FBXW7: variants seen among roughly 807,000 people sequenced by gnomAD.
FBXW7 encodes F-box/WD repeat-containing protein 7.
Under a neutral mutation model 86.3 loss-of-function variants are expected in FBXW7, and 11 were observed. The ratio of observed to expected loss-of-function variants is 0.13; its 90% CI spans 0.08 to 0.21. The LOEUF (loss-of-function observed/expected upper bound fraction) is 0.21. Ranked by LOEUF, FBXW7 falls within the 10% of genes least tolerant of loss-of-function variation. The pLI is 1.00. For missense variants in FBXW7, 488 were observed against 847.4 expected (o/e 0.58, Z 5.27); for synonymous variants, 313 against 297.9 (o/e 1.05, Z -0.52).
intron 2 of FBXW7, among the ~76,000 whole-genome samples, chr4:152,425,166 T>G (rs1739271041): frequency 6.6e-6 from 1 of 152,242 alleles, no homozygotes; most frequent in African/African-American, 2.4e-5. Flanking sequence ...CAGTGTCAGC[T>G]TCCTCCTTAT....
intron 2 of FBXW7, among the ~76,000 whole-genome samples, chr4:152,420,195 G>T (rs35483515): frequency 0.011 from 1,613 of 152,200 alleles, 7 homozygotes; most frequent in Non-Finnish European, 0.017. Context: ...CTAGGAGTAG[G>T]TTCCATCTCA....
Position 152,330,778 on chromosome 4 carries a change from T to C in FBXW7, c.1076A>G (p.His359Arg), listed in dbSNP as rs1014611334. ...SPWKSAYIRQHRIDTNWRRGE... is the reference protein window; with the variant it reads ...SPWKSAYIRQRRIDTNWRRGE... Reference sequence around the variant, plus strand: ...TCGCCTCCAGTTAGTATCAATTCTGTGCTGTCTGATGTATGCACTTTTCCA... The same window carrying C: ...TCGCCTCCAGTTAGTATCAATTCTGCGCTGTCTGATGTATGCACTTTTCCA... The change falls in exon 9 of 14, where the codon CAC becomes CGC. Residue 359 changes from histidine to arginine, a missense_variant. This residue lies in a region of FBXW7 where 57 missense variants were observed against 62.8 expected (regional missense o/e 0.91). Coordinates refer to ENST00000281708, the MANE Select transcript of FBXW7 (RefSeq NM_001349798.2). 3 of 1,612,626 alleles carry C rather than the reference T, an allele frequency of 1.9e-6. No homozygotes were observed. The highest frequency in any genetic ancestry group is 2.5e-6 in the Non-Finnish European group (3 of 1,178,990).
chr4:152,376,695 T>A (rs77584926), intron 4 of FBXW7, among the ~76,000 whole-genome samples: 65 of 150,822 alleles, frequency 4.3e-4, no homozygotes, highest in African/African-American at 1.6e-3. Flanking sequence ...AGGTGCTGTG[T>A]TTTTTTTTGG....
At chr4:152,437,626 C>T (rs1048028724) in intron 2 of FBXW7, among the ~76,000 whole-genome samples, 13 of 152,306 alleles carry the variant, frequency 8.5e-5, no homozygotes, top group Middle Eastern at 3.4e-3. Flanking sequence ...GGATTGCCTC[C>T]AGTTTTGAAA....
chr4:152,370,705 G>A (rs1733933709), intron 4 of FBXW7, among the ~76,000 whole-genome samples: 2 of 151,914 alleles, frequency 1.3e-5, no homozygotes, highest in Non-Finnish European at 2.9e-5. Flanking sequence ...TGCCAATGTA[G>A]TAAGATGTAC....
intron 2 of FBXW7, 30 bp from the exon 3 acceptor site, chr4:152,412,559 G>C (rs1738059005): frequency 6.6e-6 from 1 of 151,574 alleles, no homozygotes; most frequent in Non-Finnish European, 1.5e-5. Context: ...TTTATACAGA[G>C]GATGCTCACT....
intron 2 of FBXW7, among the ~76,000 whole-genome samples, chr4:152,464,199 T>C (rs1183742848): frequency 2.6e-5 from 4 of 151,384 alleles, no homozygotes; most frequent in Non-Finnish European, 5.9e-5. Context: ...TGAGTAAGAG[T>C]TGAGAAATTG....
At chr4:152,503,974 A>C (rs1747183478) in intron 2 of FBXW7, among the ~76,000 whole-genome samples, 1 of 152,222 alleles carries the variant, frequency 6.6e-6, no homozygotes, top group South Asian at 2.1e-4. Context: ...TACATTTAAA[A>C]CATCTGTGTT....
chr4:152,399,466 T>C (rs1445782116), intron 4 of FBXW7, among the ~76,000 whole-genome samples: 2 of 152,146 alleles, frequency 1.3e-5, no homozygotes, highest in Non-Finnish European at 2.9e-5. Context: ...GAAGTCCTAG[T>C]TAAAGCACAA....
chr4:152,504,867 T>G (rs1348855050), intron 2 of FBXW7, among the ~76,000 whole-genome samples: 1 of 152,168 alleles, frequency 6.6e-6, no homozygotes, highest in Non-Finnish European at 1.5e-5. Flanking sequence ...TCCATCAGGC[T>G]AAATATCTTA....
In FBXW7 at chr4:152,480,293, C is replaced by T. The variant is rs1174090382; in HGVS notation, c.-120+54648G>A. Among the ~76,000 whole-genome samples the T allele has an allele frequency of 2.6e-5, 4 of 152,046 alleles. No individual in the cohort carries two copies. In the East Asian group the frequency reaches 7.7e-4, roughly 29 times the overall value. On this transcript the variant is annotated intron_variant, in intron 2 of 13. Coordinates refer to ENST00000281708, the MANE Select transcript of FBXW7 (RefSeq NM_001349798.2). Reference sequence around the variant, plus strand: ...ATCTTTGATGTTACTATTTTAACTGCTTTGGGCCACCACAAATCACAAACA... The same window carrying T: ...ATCTTTGATGTTACTATTTTAACTGTTTTGGGCCACCACAAATCACAAACA...
At chr4:152,362,840 A>AC (rs554557020) in intron 4 of FBXW7, among the ~76,000 whole-genome samples, 24 of 151,642 alleles carry the variant, frequency 1.6e-4, no homozygotes, top group Middle Eastern at 3.4e-3. Context: ...AAAAAAAAAA[A>AC]AAAAAAAAAC....
chr4:152,337,874 T>G lies in FBXW7; in HGVS notation c.789A>C (p.Thr263=), dbSNP rs761636157. ...LDELIDSCEP[T]QVKHMMQVIE... is the part of the protein sequence containing the mutation. Reference sequence around the variant, plus strand: ...TCACTTGCATCATATGTTTTACTTGTGTTGGTTCACAACTATCAATGAGTT... The same window carrying G: ...TCACTTGCATCATATGTTTTACTTGGGTTGGTTCACAACTATCAATGAGTT... Residue 263 remains threonine, a synonymous_variant, in exon 7 of 14, where the codon ACA becomes ACC. Coordinates refer to ENST00000281708, the MANE Select transcript of FBXW7 (RefSeq NM_001349798.2). 2 of 1,612,790 alleles carry G rather than the reference T, an allele frequency of 1.2e-6. No homozygotes were observed. Among genetic ancestry groups the G allele is most frequent in the South Asian group, 1.1e-5 (1 of 90,944 alleles).
At chr4:152,377,269 T>C (rs542730751) in intron 4 of FBXW7, among the ~76,000 whole-genome samples, 7 of 152,302 alleles carry the variant, frequency 4.6e-5, no homozygotes, top group Non-Finnish European at 1.5e-5. Flanking sequence ...AGTTTTCTCA[T>C]CTACTGAATG....
At chr4:152,489,128 C>T (rs1343312361) in intron 2 of FBXW7, among the ~76,000 whole-genome samples, 1 of 151,800 alleles carries the variant, frequency 6.6e-6, no homozygotes, top group Non-Finnish European at 1.5e-5. Flanking sequence ...CATCAAACAC[C>T]AAGGTAAATT....
Position 152,349,872 on chromosome 4 carries a change from C to T in FBXW7, c.584+170G>A, listed in dbSNP as rs139199525. Among the ~76,000 whole-genome samples, 104 of 151,872 alleles carry T rather than the reference C, an allele frequency of 6.8e-4. 2 individuals are homozygous for T. The East Asian group carries it at 0.015, about 22-fold the overall frequency. Reference sequence around the variant, plus strand: ...AGTAACAAAACATAAACTAAGGTGGCATTCCTCTTATTTAAAATGATATAG... The same window carrying T: ...AGTAACAAAACATAAACTAAGGTGGTATTCCTCTTATTTAAAATGATATAG... On this transcript the variant is annotated intron_variant, in intron 5 of 13. Coordinates refer to ENST00000281708, the MANE Select transcript of FBXW7 (RefSeq NM_001349798.2).
At chr4:152,479,601 A>C (rs1744705623) in intron 2 of FBXW7, among the ~76,000 whole-genome samples, 2 of 152,048 alleles carry the variant, frequency 1.3e-5, no homozygotes, top group Non-Finnish European at 2.9e-5. Context: ...TTACTCCACA[A>C]CTTCCTGTAT....
At chr4:152,506,406 T>C (rs1422568626) in intron 2 of FBXW7, among the ~76,000 whole-genome samples, 1 of 152,210 alleles carries the variant, frequency 6.6e-6, no homozygotes, top group Non-Finnish European at 1.5e-5. Context: ...GTTGGGATTA[T>C]AGGCGTGAGC....
At chr4:152,494,131 G>A (rs140538473) in intron 2 of FBXW7, among the ~76,000 whole-genome samples, 4 of 152,114 alleles carry the variant, frequency 2.6e-5, no homozygotes, top group African/African-American at 7.2e-5. Context: ...GTAAAGAAAA[G>A]TTAAACATAC....
Sources: allele counts gnomAD v4.1 joint callset (sites outside exome capture counted in the v4.1 genomes callset), GRCh38; gene constraint gnomAD v4.1.1; regional missense constraint gnomAD v4.1.1; transcripts MANE v1.5; gene names NCBI Gene and HGNC (gene_info 2026-07-23, HGNC 2026-07-21).